Variants in SLC8A1 observed in about 807,000 individuals in gnomAD.
SLC8A1 encodes the protein solute carrier family 8 member A1.
SLC8A1 carries 18 observed loss-of-function variants against 68.3 expected under a neutral mutation model. The observed-to-expected ratio is 0.26, with a 90% CI of 0.18 to 0.39. SLC8A1 has a LOEUF of 0.39. Ranked by LOEUF, SLC8A1 falls within the 10% of genes least tolerant of loss-of-function variation. SLC8A1 has a pLI of 1.00. For synonymous variants in SLC8A1, 475 were observed against 415.5 expected, an observed-to-expected ratio of 1.14 and a Z score of -1.74; for missense variants, 985 against 1,156.7, an observed-to-expected ratio of 0.85 and a Z score of 2.15.
chr2:40,328,173 T>C (rs1314376879), intron 2 of SLC8A1, among the ~76,000 whole-genome samples: 1 of 152,020 alleles, frequency 6.6e-6, no homozygotes, highest in Non-Finnish European at 1.5e-5. Flanking sequence ...ATAAATAGAG[T>C]AAAAAGAAAA....
At chr2:40,170,432 C>T in intron 4 of SLC8A1, 83 bp from the exon 7 acceptor site, 1 of 1,160,016 alleles carries the variant, frequency 8.6e-7, no homozygotes, top group South Asian at 1.3e-5. Context: ...GTAAGCTAAA[C>T]ATCACACCCA....
chr2:40,228,133 C>G (rs1451398318), intron 2 of SLC8A1, among the ~76,000 whole-genome samples: 2 of 152,144 alleles, frequency 1.3e-5, no homozygotes, highest in African/African-American at 2.4e-5. Context: ...TTGACAAATT[C>G]CTGTTCACTG....
At chr2:40,391,190 T>TTACACTCACACGTATATATA in intron 2 of SLC8A1, among the ~76,000 whole-genome samples, 1 of 149,192 alleles carries the variant, frequency 6.7e-6, no homozygotes, top group East Asian at 2.0e-4. Flanking sequence ...TGTATATATA[T>TTACACTCACACGTATATATA]TACACACACA....
At chr2:40,297,352 ATAG>A (rs2070589170) in intron 2 of SLC8A1, among the ~76,000 whole-genome samples, 1 of 152,180 alleles carries the variant, frequency 6.6e-6, no homozygotes, top group Non-Finnish European at 1.5e-5. Context: ...GACACATTTC[ATAG>A]TCTCCAAGAA....
At position 40,353,466 on chromosome 2, in the gene SLC8A1, A is replaced by G. The variant is rs372501353; in HGVS notation, c.1808+75007T>C. 1.5e-4 allele frequency among the ~76,000 whole-genome samples: 23 copies of G among 152,172 alleles called. No individual in the cohort carries two copies. The East Asian group carries it at 4.1e-3, about 27-fold the overall frequency. ...TTATGGAAAATGGCTCTGACCCATT[A>G]TTAAGCAATTTCCACCTTAACCTCC... On this transcript the variant is annotated intron_variant, in intron 2 of 7. Transcript: ENST00000406785.
chr2:40,198,937 GA>G (rs71404283), intron 2 of SLC8A1, among the ~76,000 whole-genome samples: 64 of 143,406 alleles, frequency 4.5e-4, no homozygotes, highest in East Asian at 8.4e-4. Context: ...CTAATTTAAG[GA>G]AAAAAAAAAA....
intron 2 of SLC8A1, among the ~76,000 whole-genome samples, chr2:40,415,464 T>C (rs1185421547): frequency 6.6e-6 from 1 of 151,714 alleles, no homozygotes; most frequent in East Asian, 1.9e-4. Flanking sequence ...GTGGTTTGAC[T>C]AGCAAACCAC....
chr2:40,415,907 CACACAT>C (rs1346240667), intron 2 of SLC8A1, among the ~76,000 whole-genome samples: 79 of 136,160 alleles, frequency 5.8e-4, no homozygotes, highest in African/African-American at 1.9e-3. Context: ...CACACACACA[CACACAT>C]TAGCTGGGCG....
chr2:40,477,941 T>C (rs897868334), intron 1 of SLC8A1, among the ~76,000 whole-genome samples: 1 of 152,188 alleles, frequency 6.6e-6, no homozygotes, highest in Non-Finnish European at 1.5e-5. Context: ...CAGATGACCA[T>C]AATGTATCAA....
exon 2 of SLC8A1, chr2:40,428,624 T>A: frequency 6.2e-7 from 1 of 1,613,862 alleles, no homozygotes. Flanking sequence ...ATGATGCCAA[T>A]GCTCTCACTC....
chr2:40,359,957 A>T (rs1333984781), intron 2 of SLC8A1, among the ~76,000 whole-genome samples: 1 of 152,062 alleles, frequency 6.6e-6, no homozygotes, highest in East Asian at 1.9e-4. Context: ...ACAGATACAT[A>T]ATGAGTAACG....
At chr2:40,388,743 A>G (rs1262423398) in intron 2 of SLC8A1, among the ~76,000 whole-genome samples, 1 of 152,210 alleles carries the variant, frequency 6.6e-6, no homozygotes, top group African/African-American at 2.4e-5. Context: ...TGCAAAACAA[A>G]GAGAACTCTA....
At chr2:40,498,920 CT>C (rs1021625142) in intron 1 of SLC8A1, among the ~76,000 whole-genome samples, 15 of 152,090 alleles carry the variant, frequency 9.9e-5, no homozygotes, top group African/African-American at 2.9e-4. Context: ...TGAGTTGGGG[CT>C]GTCAACTCGC....
intron 2 of SLC8A1, among the ~76,000 whole-genome samples, chr2:40,284,297 T>C (rs1575064007): frequency 1.3e-5 from 2 of 149,148 alleles, no homozygotes; most frequent in South Asian, 4.2e-4. Flanking sequence ...TCGCTATATA[T>C]TTAGAGAAAT....
chr2:40,253,341 TAC>T (rs1224334999), intron 2 of SLC8A1, among the ~76,000 whole-genome samples: 3 of 151,462 alleles, frequency 2.0e-5, no homozygotes, highest in African/African-American at 7.3e-5. Context: ...TGTATATATA[TAC>T]ACACACAATG....
At position 40,463,833 on chromosome 2, in the gene SLC8A1, C is replaced by T. The variant is rs1032623286; in HGVS notation, c.-24-33529G>A. Among the ~76,000 whole-genome samples, 6 of 112,044 alleles carry T rather than the reference C, an allele frequency of 5.4e-5. No homozygotes were observed. In the South Asian group the frequency reaches 9.0e-4, roughly 17 times the overall value. The allele number at this position is 112,044 out of a possible 152,430, so 73.5% of individuals were successfully genotyped here. ...TAAAGAGGATATATACATACACACACACACATACACACACACACACACACA... is the reference window on the plus strand; with the variant it reads ...TAAAGAGGATATATACATACACACATACACATACACACACACACACACACA... On this transcript the variant is annotated intron_variant, in intron 1 of 7. Coordinates refer to the SLC8A1 transcript ENST00000402441.
At chr2:40,447,156 T>C (rs989195308) in intron 1 of SLC8A1, among the ~76,000 whole-genome samples, 1 of 152,210 alleles carries the variant, frequency 6.6e-6, no homozygotes, top group African/African-American at 2.4e-5. Flanking sequence ...AAGAAACCAT[T>C]TGTCTGAATT....
chr2:40,458,688 G>C (rs1703165314), intron 1 of SLC8A1, among the ~76,000 whole-genome samples: 2 of 152,220 alleles, frequency 1.3e-5, no homozygotes, highest in South Asian at 4.2e-4. Flanking sequence ...ACAGCAATCT[G>C]ACCGAGCCTC....
At chr2:40,202,262 A>G (rs1179525724) in intron 2 of SLC8A1, among the ~76,000 whole-genome samples, 1 of 151,950 alleles carries the variant, frequency 6.6e-6, no homozygotes, top group African/African-American at 2.4e-5. Flanking sequence ...TCCTACTTCC[A>G]CATCCTTGCA....
Sources: gnomAD v4.1 joint callset for allele counts (sites outside exome capture counted in the v4.1 genomes callset) on GRCh38, gnomAD v4.1.1 for gene constraint, MANE v1.5 for transcripts, NCBI Gene and HGNC (gene_info 2026-07-23, HGNC 2026-07-21) for gene names.